The following DMD variants were observed in gnomAD, a reference collection of about 807,000 sequenced individuals.
DMD encodes dystrophin.
Under a neutral mutation model 330.1 loss-of-function variants are expected in DMD, and 63 were observed. The ratio of observed to expected loss-of-function variants is 0.19; its 90% CI spans 0.16 to 0.24. The LOEUF (loss-of-function observed/expected upper bound fraction) is 0.24, where lower values mean the gene tolerates loss of function less well. DMD is among the 10% of genes least tolerant of loss of function. The pLI is 1.00. For missense variants in DMD, 3,344 were observed against 2,684.1 expected (o/e 1.25, Z -5.43); for synonymous variants, 1,223 against 959.8 (o/e 1.27, Z -5.07).
At chrX:32,583,749 CTTG>C (rs2053918507) in intron 13 of DMD, 3 of 112,183 alleles carry the variant, frequency 2.7e-5, no homozygotes, top group South Asian at 7.7e-4. Flanking sequence ...ACAGTGCCAA[CTTG>C]TTGTTTCAGT....
chrX:32,008,466 G>A (rs1212673146), intron 44 of DMD, among the ~76,000 whole-genome samples: 1 of 111,086 alleles, frequency 9.0e-6, no homozygotes, highest in African/African-American at 3.3e-5. Flanking sequence ...GAGGATCATA[G>A]GATTAAAAAA....
intron 61 of DMD, among the ~76,000 whole-genome samples, chrX:31,339,226 G>GT (rs1436625885): frequency 3.6e-5 from 4 of 111,733 alleles, no homozygotes; most frequent in Non-Finnish European, 3.8e-5. Context: ...TAATGATACT[G>GT]TAAAGCAAAT....
intron 13 of DMD, among the ~76,000 whole-genome samples, chrX:32,574,757 T>G (rs180843952): frequency 9.0e-6 from 1 of 111,160 alleles, no homozygotes; most frequent in East Asian, 2.8e-4. Context: ...TAACTCATAT[T>G]TTTGAAAAAT....
chrX:32,863,474 C>CA lies in DMD; in HGVS notation c.94-13655dup, dbSNP rs373117336. Among the ~76,000 whole-genome samples the CA allele has an allele frequency of 2.7e-3, 261 of 98,020 alleles. 2 individuals are homozygous for CA. The highest frequency in any genetic ancestry group is 9.6e-3 in the African/African-American group (232 of 24,120). The allele number at this position is 98,020 out of a possible 115,157, so 85.1% of individuals were successfully genotyped here. Reference sequence around the variant, plus strand: ...GCAGTGAGCCAAGATTGCACCACTGCACTCCAGCCTGGGTGGCAGAGTGAG... The same window carrying CA: ...GCAGTGAGCCAAGATTGCACCACTGCAACTCCAGCCTGGGTGGCAGAGTGAG... On this transcript the variant is annotated intron_variant, in intron 2 of 78. Coordinates refer to ENST00000357033, the MANE Select transcript of DMD (RefSeq NM_004006.3).
intron 59 of DMD, among the ~76,000 whole-genome samples, chrX:31,468,288 C>T (rs1423582301): frequency 8.9e-6 from 1 of 112,309 alleles, no homozygotes; most frequent in Non-Finnish European, 1.9e-5. Context: ...TTCCTGCTTT[C>T]TCCTGTGGGG....
intron 63 of DMD, among the ~76,000 whole-genome samples, chrX:31,244,424 A>G (rs1296839221): frequency 8.9e-6 from 1 of 112,232 alleles, no homozygotes; most frequent in Non-Finnish European, 1.9e-5. Flanking sequence ...ATACATAAGT[A>G]GCTTGTTGGA....
chrX:31,903,622 T>C (rs1335572210), intron 47 of DMD, among the ~76,000 whole-genome samples: 1 of 112,313 alleles, frequency 8.9e-6, no homozygotes, highest in Non-Finnish European at 1.9e-5. Context: ...AATTCTTCTG[T>C]GAATACTGAA....
At chrX:33,056,214 G>T (rs761013489) in intron 1 of DMD, among the ~76,000 whole-genome samples, 1 of 110,651 alleles carries the variant, frequency 9.0e-6, no homozygotes, top group Non-Finnish European at 1.9e-5. Context: ...CCTGAAAATA[G>T]AAAGTCCCGC....
intron 7 of DMD, among the ~76,000 whole-genome samples, chrX:32,752,532 A>G (rs2070963024): frequency 1.9e-5 from 2 of 106,597 alleles, no homozygotes. Flanking sequence ...CACAGGCAGA[A>G]GGAAATTGCC....
chrX:31,878,925 G>A (rs751660565), intron 47 of DMD, among the ~76,000 whole-genome samples: 31 of 111,715 alleles, frequency 2.8e-4, no homozygotes, highest in South Asian at 1.1e-3. Flanking sequence ...TACCTCTTGT[G>A]GAAGGCAGTT....
At chrX:32,580,401 C>T (rs808567) in intron 13 of DMD, among the ~76,000 whole-genome samples, 59,156 of 110,651 alleles carry the variant, frequency 0.53, 13,315 homozygotes, top group African/African-American at 0.88. Context: ...TCCTGCATTC[C>T]CACTTCAGTT....
intron 7 of DMD, among the ~76,000 whole-genome samples, chrX:32,804,194 G>A (rs912439565): frequency 4.5e-5 from 5 of 111,540 alleles, no homozygotes; most frequent in African/African-American, 9.8e-5. Context: ...CAGATCCAAC[G>A]CCCACGGAGC....
intron 52 of DMD, among the ~76,000 whole-genome samples, chrX:31,722,990 T>G (rs913338854): frequency 9.1e-6 from 1 of 109,381 alleles, no homozygotes; most frequent in African/African-American, 3.3e-5. Context: ...GGAGTTGCAG[T>G]GAGCAAAGAT....
At chrX:31,677,897 TG>T (rs1441114768) in intron 53 of DMD, among the ~76,000 whole-genome samples, 1 of 112,239 alleles carries the variant, frequency 8.9e-6, no homozygotes, top group Non-Finnish European at 1.9e-5. Context: ...TTCTGTGTGA[TG>T]GGATGTGGTG....
chrX:32,398,265 C>T (rs865817334), intron 30 of DMD, among the ~76,000 whole-genome samples: 7 of 43,859 alleles, frequency 1.6e-4, no homozygotes, highest in African/African-American at 7.2e-4. Flanking sequence ...TTTTTTAAAC[C>T]CCCCCCCCCA....
intron 2 of DMD, among the ~76,000 whole-genome samples, chrX:32,864,077 A>G (rs757788580): frequency 8.9e-6 from 1 of 112,723 alleles, no homozygotes; most frequent in Non-Finnish European, 1.9e-5. Context: ...TAGTGGTCCA[A>G]CTTTATGCAA....
rs769289424 is a variant in DMD, at chrX:31,382,551, C to T, written c.9085-33917G>A. On this transcript the variant is annotated intron_variant, in intron 60 of 78. Transcript: ENST00000357033. Reference sequence around the variant, plus strand: ...TCTTTGCTGGCAAGGCTATGCTGAACCTCCTTAGGCACTCTCTAATTAGAC... The same window carrying T: ...TCTTTGCTGGCAAGGCTATGCTGAATCTCCTTAGGCACTCTCTAATTAGAC... 4.5e-5 allele frequency among the ~76,000 whole-genome samples: 5 copies of T among 111,773 alleles called. No individual in the cohort carries two copies. The South Asian group carries it at 1.9e-3, about 42-fold the overall frequency.
chrX:33,238,938 G>A (rs139566594), intron 1 of DMD, among the ~76,000 whole-genome samples: 2,371 of 110,611 alleles, frequency 0.021, 70 homozygotes, highest in African/African-American at 0.075. Context: ...CAGCATCGCC[G>A]TTATATATGA....
At chrX:31,493,644 C>A (rs1435447037) in intron 57 of DMD, among the ~76,000 whole-genome samples, 1 of 111,720 alleles carries the variant, frequency 9.0e-6, no homozygotes, top group Non-Finnish European at 1.9e-5. Context: ...AGTGCCTTGT[C>A]ACCCTTGTTG....
Sources: allele counts gnomAD v4.1 joint callset (sites outside exome capture counted in the v4.1 genomes callset), GRCh38; gene constraint gnomAD v4.1.1; transcripts MANE v1.5; gene names NCBI Gene and HGNC (gene_info 2026-07-23, HGNC 2026-07-21).